CLIC5: variants seen among roughly 807,000 people sequenced by gnomAD.
CLIC5 encodes the protein chloride intracellular channel protein 5.
Under a neutral mutation model 24.7 loss-of-function variants are expected in CLIC5, and 20 were observed. The ratio of observed to expected loss-of-function variants is 0.81; its 90% CI spans 0.57 to 1.18. The LOEUF (loss-of-function observed/expected upper bound fraction) is 1.18. Ranked by LOEUF, CLIC5 falls within the 50% of genes most tolerant of loss-of-function variation. CLIC5 has a pLI of 0.00. For missense variants in CLIC5, 341 were observed against 326.1 expected (o/e 1.05, Z -0.35); for synonymous variants, 159 against 135.6 (o/e 1.17, Z -1.20).
chr6:45,906,019 G>A (rs982786716), intron 5 of CLIC5, among the ~76,000 whole-genome samples: 1 of 152,160 alleles, frequency 6.6e-6, no homozygotes, highest in Non-Finnish European at 1.5e-5. Context: ...TCAGATGACC[G>A]TAGGTGTGTG....
intron 1 of CLIC5, among the ~76,000 whole-genome samples, chr6:45,987,493 A>C (rs1218304830): frequency 1.3e-5 from 2 of 152,254 alleles, no homozygotes; most frequent in Non-Finnish European, 2.9e-5. Flanking sequence ...ACTATAAGAT[A>C]GATTTTTGTA....
At chr6:45,954,545 T>C (rs1003590999) in intron 2 of CLIC5, among the ~76,000 whole-genome samples, 1 of 152,260 alleles carries the variant, frequency 6.6e-6, no homozygotes, top group Non-Finnish European at 1.5e-5. Flanking sequence ...CTGTTCCACA[T>C]TTAAACAACA....
At chr6:45,954,272 CAAAA>C (rs11311720) in intron 2 of CLIC5, among the ~76,000 whole-genome samples, 2 of 76,542 alleles carry the variant, frequency 2.6e-5, no homozygotes, top group African/African-American at 8.9e-5. Flanking sequence ...GACTCTGTCT[CAAAA>C]AAAAAAAAAA....
intron 1 of CLIC5, among the ~76,000 whole-genome samples, chr6:46,076,447 C>T (rs907051264): frequency 2.0e-5 from 3 of 152,132 alleles, no homozygotes; most frequent in Non-Finnish European, 2.9e-5. Context: ...AAGTTCCTTA[C>T]AAGAGAAATG....
chr6:46,035,250 A>G (rs1767627839), intron 1 of CLIC5, among the ~76,000 whole-genome samples: 1 of 152,202 alleles, frequency 6.6e-6, no homozygotes, highest in African/African-American at 2.4e-5. Flanking sequence ...TGTCTTTCTT[A>G]GAAGATAGCA....
chr6:45,988,057 T>C (rs1481741873), intron 1 of CLIC5, among the ~76,000 whole-genome samples: 1 of 152,174 alleles, frequency 6.6e-6, no homozygotes, highest in African/African-American at 2.4e-5. Flanking sequence ...CATCTAAATA[T>C]CATCTATATC....
At chr6:46,043,120 C>A (rs1280961725) in intron 1 of CLIC5, among the ~76,000 whole-genome samples, 1 of 152,112 alleles carries the variant, frequency 6.6e-6, no homozygotes, top group Non-Finnish European at 1.5e-5. Flanking sequence ...GCGTCATTAG[C>A]ACCAACAGAG....
intron 6 of CLIC5, among the ~76,000 whole-genome samples, chr6:45,885,230 A>T (rs2127280928): frequency 6.6e-6 from 1 of 152,222 alleles, no homozygotes; most frequent in South Asian, 2.1e-4. Flanking sequence ...AAGCGATCTC[A>T]CAGAGCTCTC....
At chr6:45,953,326 G>C (rs529638687) in intron 2 of CLIC5, among the ~76,000 whole-genome samples, 1 of 152,098 alleles carries the variant, frequency 6.6e-6, no homozygotes, top group Non-Finnish European at 1.5e-5. Context: ...CACGACACAA[G>C]GCAACATAGA....
At chr6:46,082,876 T>C (rs763965967), upstream of CLIC5, among the ~76,000 whole-genome samples, 3 of 152,218 alleles carry the variant, frequency 2.0e-5, no homozygotes, top group South Asian at 6.2e-4. Flanking sequence ...GTCTAGAGGT[T>C]TTATTTTCTG....
chr6:45,917,508 G>A (rs545700352), intron 4 of CLIC5, among the ~76,000 whole-genome samples: 4 of 152,252 alleles, frequency 2.6e-5, no homozygotes, highest in African/African-American at 9.6e-5. Flanking sequence ...TCAATAGCCT[G>A]GAGATTTGCT....
At chr6:46,078,514 ACC>A (rs1762833509) in intron 1 of CLIC5, among the ~76,000 whole-genome samples, 1 of 152,116 alleles carries the variant, frequency 6.6e-6, no homozygotes, top group African/African-American at 2.4e-5. Flanking sequence ...TTCTCTGAAC[ACC>A]CACACACTCC....
intron 1 of CLIC5, among the ~76,000 whole-genome samples, chr6:46,053,749 AGTT>A (rs1437736946): frequency 9.2e-5 from 14 of 152,082 alleles, no homozygotes; most frequent in African/African-American, 3.1e-4. Context: ...GGCTATTTTT[AGTT>A]GTTGTCGCAG....
At chr6:45,896,421 C>T (rs796109549), downstream of CLIC5, among the ~76,000 whole-genome samples, 1 of 151,238 alleles carries the variant, frequency 6.6e-6, no homozygotes, top group Admixed American at 6.6e-5. Context: ...GAAACTGAGG[C>T]CCAGAAAGGA....
At chr6:46,099,028 GT>G in the CLIC5 span, among the ~76,000 whole-genome samples, 2 of 152,298 alleles carry the variant, frequency 1.3e-5, no homozygotes, top group Non-Finnish European at 2.9e-5. Context: ...TTCATAGATG[GT>G]TAGAAACTTC....
chr6:45,994,454 C>A (rs1179429281), intron 1 of CLIC5, among the ~76,000 whole-genome samples: 1 of 151,894 alleles, frequency 6.6e-6, no homozygotes, highest in Non-Finnish European at 1.5e-5. Flanking sequence ...AACACATGGA[C>A]ACAGGGAGGG....
At chr6:46,127,443 A>C in the CLIC5 span, among the ~76,000 whole-genome samples, 3 of 152,200 alleles carry the variant, frequency 2.0e-5, no homozygotes, top group African/African-American at 7.2e-5. Context: ...ATGGGTTTAA[A>C]GGCTCTCTAT....
chr6:45,912,035 AG>A, intron 5 of CLIC5: 1 of 985,708 alleles, frequency 1.0e-6, no homozygotes, highest in Non-Finnish European at 1.2e-6. Flanking sequence ...GAAAGCAGCA[AG>A]GGGGTAAGGA....
chr6:45,998,502 C>T (rs1766233718), intron 1 of CLIC5, among the ~76,000 whole-genome samples: 1 of 152,214 alleles, frequency 6.6e-6, no homozygotes, highest in African/African-American at 2.4e-5. Flanking sequence ...GAGTCCGCAA[C>T]CACAAAAACC....
Sources: gnomAD v4.1 joint callset for allele counts (sites outside exome capture counted in the v4.1 genomes callset) on GRCh38, gnomAD v4.1.1 for gene constraint, MANE v1.5 for transcripts, NCBI Gene and HGNC (gene_info 2026-07-23, HGNC 2026-07-21) for gene names.